Variants in UGGT2 observed in about 807,000 individuals in gnomAD.
UGGT2 encodes the protein UDP-glucose:glycoprotein glucosyltransferase 2.
In UGGT2, 180 loss-of-function variants were observed where a neutral mutation model predicts 192.1. The ratio of observed to expected loss-of-function variants is 0.94; its 90% CI spans 0.83 to 1.06. The LOEUF is 1.06. Among genes scored for constraint, UGGT2 ranks in the 50% least tolerant of loss-of-function variants. UGGT2 has a pLI of 0.00. For synonymous variants in UGGT2, 580 were observed against 591.0 expected (o/e 0.98, Z 0.27); for missense variants, 1,849 against 1,795.7 (o/e 1.03, Z -0.54).
intron 1 of UGGT2, among the ~76,000 whole-genome samples, chr13:96,034,743 T>G (rs1258129262): frequency 5.9e-5 from 9 of 152,292 alleles, no homozygotes; most frequent in South Asian, 2.1e-4. Flanking sequence ...GCCACAGTCT[T>G]GTACAAAGCT....
chr13:96,001,580 C>T (rs2051806688), intron 5 of UGGT2, among the ~76,000 whole-genome samples: 1 of 152,174 alleles, frequency 6.6e-6, no homozygotes. Context: ...GACAGATTCT[C>T]ACAACAGATG....
intron 12 of UGGT2, among the ~76,000 whole-genome samples, chr13:95,960,624 T>A (rs1202111614): frequency 6.6e-6 from 1 of 152,178 alleles, no homozygotes; most frequent in South Asian, 2.1e-4. Flanking sequence ...AGAAAACCTA[T>A]TTAATGAAAT....
At position 95,856,288 on chromosome 13, in the gene UGGT2, T is replaced by A. The variant is rs1213704437; in HGVS notation, c.3878A>T (p.Gln1293Leu). The change falls in exon 34 of 39, where the codon CAA (glutamine) becomes CTA (leucine). Residue 1293 changes from glutamine (Q) to leucine (L), a missense_variant. Gln to Leu is a moderately radical substitution (Grantham distance 113). Transcript: ENST00000376747. ...KEYGFRYELV[Q>L]YRWPRWLRQQ... is the part of the protein sequence containing the mutation. ...ACGAAGCCAACGGGGCCACCTATAT[T>A]GAACTAGTTCATATCGGAATCCATA... is the stretch of plus-strand genomic sequence containing the variant. 1 of 1,613,548 alleles carries A rather than the reference T, an allele frequency of 6.2e-7. No individual in the cohort carries two copies. The highest frequency in any genetic ancestry group is 1.7e-5 in the Admixed American group (1 of 59,858).
intron 1 of UGGT2, among the ~76,000 whole-genome samples, chr13:96,047,251 G>C (rs1437921719): frequency 6.6e-6 from 1 of 152,160 alleles, no homozygotes; most frequent in East Asian, 1.9e-4. Context: ...CATACAGCCG[G>C]GTGCCCCTCT....
intron 1 of UGGT2, among the ~76,000 whole-genome samples, chr13:96,045,513 G>T (rs1278869657): frequency 6.6e-6 from 1 of 152,044 alleles, no homozygotes; most frequent in African/African-American, 2.4e-5. Flanking sequence ...AAGAAATAAA[G>T]GGCATCCAAA....
intron 12 of UGGT2, among the ~76,000 whole-genome samples, chr13:95,951,993 G>A (rs2050077743): frequency 6.6e-6 from 1 of 151,780 alleles, no homozygotes; most frequent in African/African-American, 2.4e-5. Flanking sequence ...AGGAGGCAGA[G>A]GTTGTGGTAA....
chr13:95,951,421 C>A (rs1048873177), intron 12 of UGGT2, among the ~76,000 whole-genome samples: 12 of 152,286 alleles, frequency 7.9e-5, no homozygotes, highest in African/African-American at 2.9e-4. Flanking sequence ...AGGAGTCTAG[C>A]CCCAAAGGGG....
chr13:95,828,778 C>T (rs1253307159), intron 38 of UGGT2, among the ~76,000 whole-genome samples: 3 of 152,082 alleles, frequency 2.0e-5, no homozygotes, highest in African/African-American at 4.8e-5. Flanking sequence ...GAAACTATTC[C>T]AATTAATAGA....
In UGGT2 at chr13:95,860,818, G is replaced by A. The variant is rs748831340; in HGVS notation, c.3710C>T (p.Ala1237Val). The A allele has an allele frequency of 6.4e-7, 1 of 1,555,040 alleles. No homozygotes were observed. Among genetic ancestry groups the A allele is most frequent in the South Asian group, 1.3e-5 (1 of 77,878 alleles). ...EKDVLNIFSV[A>V]SGHLYERFLR... ...AAAACGTTCATATAAATGACCAGAA[G>A]CAACTGAAAAAATGTTTAGGACATC... The change falls in exon 32 of 39, where the codon GCT becomes GTT. Residue 1237 changes from alanine to valine, a missense_variant. Ala to Val is a moderately conservative substitution (Grantham distance 64). Transcript: ENST00000376747.
At chr13:95,959,559 C>T (rs781249852) in intron 12 of UGGT2, among the ~76,000 whole-genome samples, 4 of 152,144 alleles carry the variant, frequency 2.6e-5, no homozygotes, top group African/African-American at 4.8e-5. Context: ...AATCCATTAC[C>T]ATTGGCATCT....
chr13:96,031,808 A>G lies in UGGT2; in HGVS notation c.241+81T>C, dbSNP rs2052843422. On this transcript the variant is annotated intron_variant, in intron 2 of 38. Coordinates refer to ENST00000376747, the MANE Select transcript of UGGT2 (RefSeq NM_020121.4). ...CCCAGTGAAGCATTCACACTTAACC[A>G]TTACCATTAAAAAATAATAAACATT... The G allele has an allele frequency of 3.7e-6, 4 of 1,069,632 alleles. No individual in the cohort carries two copies. In the Admixed American group the frequency reaches 9.1e-5, roughly 24 times the overall value. 66.3% of individuals were successfully genotyped at this position (1,069,632 alleles called of 1,614,324 possible).
chr13:95,984,909 T>A (rs764399148), intron 9 of UGGT2: 1 of 152,908 alleles, frequency 6.5e-6, no homozygotes, highest in Non-Finnish European at 1.5e-5. Flanking sequence ...AAAAATTTAA[T>A]AAGGCAAATT....
At chr13:95,855,778 G>A (rs1020556406) in intron 34 of UGGT2, among the ~76,000 whole-genome samples, 1 of 152,140 alleles carries the variant, frequency 6.6e-6, no homozygotes, top group Admixed American at 6.5e-5. Context: ...AATGAGAGTT[G>A]TATGTAACTG....
rs766043150 is a variant in UGGT2 at position 96,013,260 on chromosome 13, G to GT, written c.660+46dup. 10 of 1,501,912 alleles carry GT rather than the reference G, an allele frequency of 6.7e-6. No individual in the cohort carries two copies. The Admixed American group carries it at 2.3e-4, about 34-fold the overall frequency. 93.0% of individuals were successfully genotyped at this position (1,501,912 alleles called of 1,614,324 possible). Reference sequence around the variant, plus strand: ...TAGTAAGACGATTATCATAATAATTGTTTTTTTCTACAGCCAAAAGCAACC... The same window carrying GT: ...TAGTAAGACGATTATCATAATAATTGTTTTTTTTCTACAGCCAAAAGCAACC... On this transcript the variant is annotated intron_variant, in intron 5 of 38. Transcript: ENST00000376747.
At chr13:95,930,861 T>A (rs2049231114) in intron 17 of UGGT2, among the ~76,000 whole-genome samples, 1 of 152,190 alleles carries the variant, frequency 6.6e-6, no homozygotes, top group South Asian at 2.1e-4. Flanking sequence ...CTCGCTGGCT[T>A]CAGGAGTGAA....
chr13:95,887,960 C>A lies in UGGT2; in HGVS notation c.2970G>T (p.Lys990Asn), dbSNP rs79938836. The A allele has an allele frequency of 6.2e-7, 1 of 1,600,924 alleles. No individual in the cohort carries two copies. Among genetic ancestry groups the A allele is most frequent in the Admixed American group, 1.7e-5 (1 of 59,474 alleles). The change falls in exon 26 of 39, where the codon AAG (lysine) becomes AAT (asparagine). Residue 990 changes from lysine to asparagine, a missense_variant. Lys to Asn is a moderately conservative substitution (Grantham distance 94). Transcript: ENST00000376747. Reference sequence around the variant, plus strand: ...ACAACTTTATCTTCATGTTGATAATCTTGCCAAGTACCTATTGGAAAGAAA... The same window carrying A: ...ACAACTTTATCTTCATGTTGATAATATTGCCAAGTACCTATTGGAAAGAAA... Reference protein sequence around the residue: ...KMAQLLVVLGKIINMKIKLFM... With the variant: ...KMAQLLVVLGNIINMKIKLFM...
intron 25 of UGGT2, among the ~76,000 whole-genome samples, chr13:95,888,956 TAGA>T (rs1468719672): frequency 3.3e-5 from 5 of 152,044 alleles, no homozygotes; most frequent in Non-Finnish European, 7.4e-5. Flanking sequence ...TAACTATGAC[TAGA>T]AGTATGCAGC....
chr13:95,878,570 T>G (rs2047407024), intron 27 of UGGT2, among the ~76,000 whole-genome samples: 1 of 152,152 alleles, frequency 6.6e-6, no homozygotes, highest in Admixed American at 6.5e-5. Flanking sequence ...ATAATAAATA[T>G]TTTCAAGATA....
Position 95,812,420 on chromosome 13 carries a change from T to A in UGGT2, c.4529-10608A>T, listed in dbSNP as rs2139747172. Among the ~76,000 whole-genome samples the A allele has an allele frequency of 2.0e-5, 3 of 152,298 alleles. No homozygotes were observed. The South Asian group carries it at 6.2e-4, about 32-fold the overall frequency. On this transcript the variant is annotated intron_variant, in intron 38 of 38. Transcript: ENST00000376747. ...TAAAAAGACCCAACTATATGCTCTC[T>A]GCAAGAAACCCACCCTTATATACTA...
Sources: gnomAD v4.1 joint callset for allele counts (sites outside exome capture counted in the v4.1 genomes callset) on GRCh38, gnomAD v4.1.1 for gene constraint, MANE v1.5 for transcripts, NCBI Gene and HGNC (gene_info 2026-07-23, HGNC 2026-07-21) for gene names.